Variants in RMRP observed in about 807,000 individuals in gnomAD.
RMRP encodes the protein RNase MRP RNA.
rs748268184 is a variant in RMRP at position 35,657,767 on chromosome 9, T to C, written n.251A>G. Reference sequence around the variant, plus strand: ...GAACAAAAAACAGCCGCGCTGAGAATGAGCCCCGTGTGGTTGGTGCGCGGA... The same window carrying C: ...GAACAAAAAACAGCCGCGCTGAGAACGAGCCCCGTGTGGTTGGTGCGCGGA... On this transcript the variant is annotated non_coding_transcript_exon_variant, in exon 1 of 1. Coordinates refer to ENST00000363046, the Ensembl canonical transcript of RMRP. 7 of 692,704 alleles carry C rather than the reference T, an allele frequency of 1.0e-5. 1 individual carries two copies. The highest frequency in any genetic ancestry group is 8.9e-5 in the South Asian group (6 of 67,324). 42.9% of individuals were successfully genotyped at this position (692,704 alleles called of 1,614,324 possible). A position where few individuals can be genotyped will look rare whatever the true frequency, so the allele number is the denominator to read the frequency against.
chr9:35,658,005 C>T (rs935086274), exon 1 of RMRP: 3 of 693,762 alleles, frequency 4.3e-6, no homozygotes, highest in Admixed American at 2.0e-5. Flanking sequence ...GGATACAGGC[C>T]TTCAGCACGA....
chr9:35,658,004 C>T lies in RMRP; in HGVS notation n.14G>A, dbSNP rs902313238. On this transcript the variant is annotated non_coding_transcript_exon_variant, in exon 1 of 1. Transcript: ENST00000363046. ...CTCAGTGTGTAGCCTAGGATACAGG[C>T]CTTCAGCACGAACCACGTCCTCAGC... The T allele has an allele frequency of 5.8e-6, 4 of 694,174 alleles. No individual in the cohort carries two copies. The highest frequency in any genetic ancestry group is 3.5e-5 in the African/African-American group (2 of 57,050). 43.0% of individuals were successfully genotyped at this position (694,174 alleles called of 1,614,324 possible). A position where few individuals can be genotyped will look rare whatever the true frequency, so the allele number is the denominator to read the frequency against.
rs1823603024 is a variant in RMRP, at chr9:35,657,795, C to T, written n.223G>A. 2 of 699,772 alleles carry T rather than the reference C, an allele frequency of 2.9e-6. No individual in the cohort carries two copies. Among genetic ancestry groups the T allele is most frequent in the East Asian group, 5.4e-5 (2 of 37,298 alleles). 43.3% of individuals were successfully genotyped at this position (699,772 alleles called of 1,614,324 possible). A position where few individuals can be genotyped will look rare whatever the true frequency, so the allele number is the denominator to read the frequency against. ...GCCCCGTGTGGTTGGTGCGCGGACA[C>T]GCACTGCCTGCGTAACTAGAGGGAG... On this transcript the variant is annotated non_coding_transcript_exon_variant, in exon 1 of 1. Transcript: ENST00000363046.
chr9:35,657,991 C>T lies in RMRP; in HGVS notation n.27G>A, dbSNP rs748623920. ...GAGGAACAGAGTCCTCAGTGTGTAG[C>T]CTAGGATACAGGCCTTCAGCACGAA... On this transcript the variant is annotated non_coding_transcript_exon_variant, in exon 1 of 1. Coordinates refer to ENST00000363046, the Ensembl canonical transcript of RMRP. 2 of 699,442 alleles carry T rather than the reference C, an allele frequency of 2.9e-6. No homozygotes were observed. Among genetic ancestry groups the T allele is most frequent in the African/African-American group, 3.5e-5 (2 of 57,170 alleles). 43.3% of individuals were successfully genotyped at this position (699,442 alleles called of 1,614,324 possible). A position where few individuals can be genotyped will look rare whatever the true frequency, so the allele number is the denominator to read the frequency against.
In RMRP at chr9:35,657,937, T is replaced by C. The variant is rs745416646; in HGVS notation, n.81A>G. The C allele has an allele frequency of 2.0e-5, 14 of 700,218 alleles. No individual in the cohort carries two copies. Among genetic ancestry groups the C allele is most frequent in the Admixed American group, 4.0e-5 (2 of 49,994 alleles). The allele number at this position is 700,218 out of a possible 1,614,324, so 43.4% of individuals were successfully genotyped here. On this transcript the variant is annotated non_coding_transcript_exon_variant, in exon 1 of 1. Transcript: ENST00000363046. ...TGCACGTGGCACTCTCTGCCCGAGG[T>C]CCGGGGACTTTCCCCTAGGCGGAAA... is the stretch of plus-strand genomic sequence containing the variant.
upstream of RMRP, chr9:35,658,017 C>CCACGTCCTCAGCTTCA (rs1554651375): frequency 2.2e-5 from 15 of 690,270 alleles, no homozygotes; most frequent in East Asian, 1.4e-4. Context: ...TCAGCACGAA[C>CCACGTCCTCAGCTTCA]CACGTCCTCA....
chr9:35,657,826 GGAT>G, exon 1 of RMRP: 1 of 693,050 alleles, frequency 1.4e-6, no homozygotes, highest in Admixed American at 2.0e-5. Flanking sequence ...GGGAGCTGAC[GGAT>G]GACGCCCCCG....
rs1325325615 is a variant in RMRP, at chr9:35,657,949, C to CA, written n.68_69insT. On this transcript the variant is annotated non_coding_transcript_exon_variant, in exon 1 of 1. Coordinates refer to ENST00000363046, the Ensembl canonical transcript of RMRP. ...TCTCTGCCCGAGGTCCGGGGACTTT[C>CA]CCCTAGGCGGAAAGGGGAGGAACAG... The CA allele has an allele frequency of 1.0e-5, 7 of 700,438 alleles. No individual in the cohort carries two copies. The highest frequency in any genetic ancestry group is 1.8e-5 in the Non-Finnish European group (7 of 384,816). The allele number at this position is 700,438 out of a possible 1,614,324, so 43.4% of individuals were successfully genotyped here.
chr9:35,657,870 G>T lies in RMRP; in HGVS notation n.148C>A. On this transcript the variant is annotated non_coding_transcript_exon_variant, in exon 1 of 1. Coordinates refer to ENST00000363046, the Ensembl canonical transcript of RMRP. Reference sequence around the variant, plus strand: ...CGCCGCTCAGCGGGATACGCTTCTTGGCGGACTTTGGAGTGGGAAGCGGGG... The same window carrying T: ...CGCCGCTCAGCGGGATACGCTTCTTTGCGGACTTTGGAGTGGGAAGCGGGG... The T allele has an allele frequency of 2.9e-6, 2 of 693,570 alleles. No homozygotes were observed. Among genetic ancestry groups the T allele is most frequent in the Non-Finnish European group, 2.6e-6 (1 of 384,640 alleles). The allele number at this position is 693,570 out of a possible 1,614,324, so 43.0% of individuals were successfully genotyped here.
At chr9:35,657,811 C>T in exon 1 of RMRP, 1 of 692,568 alleles carries the variant, frequency 1.4e-6, no homozygotes, top group Non-Finnish European at 2.6e-6. Flanking sequence ...GCCTGCGTAA[C>T]TAGAGGGAGC....
rs1030486815 is a variant in RMRP, at chr9:35,657,969, G to A, written n.49C>T. 25 of 700,332 alleles carry A rather than the reference G, an allele frequency of 3.6e-5. No individual in the cohort carries two copies. The Admixed American group carries it at 3.8e-4, about 11-fold the overall frequency. 43.4% of individuals were successfully genotyped at this position (700,332 alleles called of 1,614,324 possible). A position where few individuals can be genotyped will look rare whatever the true frequency, so the allele number is the denominator to read the frequency against. ...ACTTTCCCCTAGGCGGAAAGGGGAG[G>A]AACAGAGTCCTCAGTGTGTAGCCTA... is the stretch of plus-strand genomic sequence containing the variant. On this transcript the variant is annotated non_coding_transcript_exon_variant, in exon 1 of 1. Transcript: ENST00000363046.
rs1489802482 is a variant in RMRP at position 35,657,931 on chromosome 9, C to CT, written n.86_87insA. 1 of 700,426 alleles carries CT rather than the reference C, an allele frequency of 1.4e-6. No homozygotes were observed. Among genetic ancestry groups the CT allele is most frequent in the Non-Finnish European group, 2.6e-6 (1 of 384,814 alleles). The allele number at this position is 700,426 out of a possible 1,614,324, so 43.4% of individuals were successfully genotyped here. ...TGCGTATGCACGTGGCACTCTCTGC[C>CT]CGAGGTCCGGGGACTTTCCCCTAGG... On this transcript the variant is annotated non_coding_transcript_exon_variant, in exon 1 of 1. Coordinates refer to ENST00000363046, the Ensembl canonical transcript of RMRP.
chr9:35,657,864 C>G (rs752709977), exon 1 of RMRP: 1 of 693,048 alleles, frequency 1.4e-6, no homozygotes, highest in South Asian at 1.5e-5. Context: ...GCGGGATACG[C>G]TTCTTGGCGG....
exon 1 of RMRP, chr9:35,657,982 A>AGTGTGTAGCCTAGGATAC: frequency 1.4e-6 from 1 of 700,434 alleles, no homozygotes; most frequent in Non-Finnish European, 2.6e-6. Flanking sequence ...CAGAGTCCTC[A>AGTGTGTAGCCTAGGATAC]GTGTGTAGCC....
rs1012176091 is a variant in RMRP at position 35,657,971 on chromosome 9, A to G, written n.47T>C. 1 of 700,470 alleles carries G rather than the reference A, an allele frequency of 1.4e-6. No individual in the cohort carries two copies. The highest frequency in any genetic ancestry group is 2.6e-6 in the Non-Finnish European group (1 of 384,822). The allele number at this position is 700,470 out of a possible 1,614,324, so 43.4% of individuals were successfully genotyped here. Reference sequence around the variant, plus strand: ...TTTCCCCTAGGCGGAAAGGGGAGGAACAGAGTCCTCAGTGTGTAGCCTAGG... The same window carrying G: ...TTTCCCCTAGGCGGAAAGGGGAGGAGCAGAGTCCTCAGTGTGTAGCCTAGG... On this transcript the variant is annotated non_coding_transcript_exon_variant, in exon 1 of 1. Coordinates refer to ENST00000363046, the Ensembl canonical transcript of RMRP.
At position 35,657,843 on chromosome 9, in the gene RMRP, C is replaced by T. The variant is rs377566038; in HGVS notation, n.175G>A. 289 of 700,470 alleles carry T rather than the reference C, an allele frequency of 4.1e-4. No homozygotes were observed. In the East Asian group the frequency reaches 4.7e-3, roughly 12 times the overall value. 43.4% of individuals were successfully genotyped at this position (700,470 alleles called of 1,614,324 possible). ...GAGCTGACGGATGACGCCCCCGCGC[C>T]ACGCCGCTCAGCGGGATACGCTTCT... On this transcript the variant is annotated non_coding_transcript_exon_variant, in exon 1 of 1. Transcript: ENST00000363046.
chr9:35,658,017 C>CCACGTCCTCAGCTTCACAGAGTA (rs1554651376), upstream of RMRP: 3 of 690,390 alleles, frequency 4.3e-6, no homozygotes, highest in South Asian at 1.5e-5. Context: ...TCAGCACGAA[C>CCACGTCCTCAGCTTCACAGAGTA]CACGTCCTCA....
At position 35,657,984 on chromosome 9, in the gene RMRP, T is replaced by C. The variant is rs572081363; in HGVS notation, n.34A>G. On this transcript the variant is annotated non_coding_transcript_exon_variant, in exon 1 of 1. Transcript: ENST00000363046. ...GAAAGGGGAGGAACAGAGTCCTCAG[T>C]GTGTAGCCTAGGATACAGGCCTTCA... The C allele has an allele frequency of 8.1e-5, 57 of 700,248 alleles. No homozygotes were observed. Among genetic ancestry groups the C allele is most frequent in the African/African-American group, 2.3e-4 (13 of 57,192 alleles). The allele number at this position is 700,248 out of a possible 1,614,324, so 43.4% of individuals were successfully genotyped here.
exon 1 of RMRP, chr9:35,657,967 A>C: frequency 1.4e-6 from 1 of 700,452 alleles, no homozygotes; most frequent in Non-Finnish European, 2.6e-6. Context: ...CGGAAAGGGG[A>C]GGAACAGAGT....
Sources: allele counts gnomAD v4.1 joint callset, GRCh38; gene constraint gnomAD v4.1.1; transcripts MANE v1.5; gene names NCBI Gene and HGNC (gene_info 2026-07-23, HGNC 2026-07-21).